Variants in UBR2 observed in about 807,000 individuals in gnomAD.
The protein encoded by UBR2 is E3 ubiquitin-protein ligase UBR2.
In UBR2, 92 loss-of-function variants were observed where a neutral mutation model predicts 247.9. The ratio of observed to expected loss-of-function variants is 0.37; its 90% CI spans 0.31 to 0.44. The LOEUF is 0.44. Ranked by LOEUF, UBR2 falls within the 20% of genes least tolerant of loss-of-function variation. The pLI is 1.00. For missense variants in UBR2, 1,613 were observed against 2,112.6 expected, an observed-to-expected ratio of 0.76 and a Z score of 4.64; for synonymous variants, 672 against 693.5, an observed-to-expected ratio of 0.97 and a Z score of 0.49.
At chr6:42,648,072 A>T (rs180788815) in intron 21 of UBR2, 46 bp from the exon 22 acceptor site, 1 of 1,486,840 alleles carries the variant, frequency 6.7e-7, no homozygotes, top group East Asian at 2.3e-5. Flanking sequence ...TAAGAGTGCT[A>T]GTAGTTATTA....
intron 4 of UBR2, among the ~76,000 whole-genome samples, chr6:42,598,857 C>A (rs1793170984): frequency 6.6e-6 from 1 of 152,126 alleles, no homozygotes; most frequent in Non-Finnish European, 1.5e-5. Flanking sequence ...GTTACCTTGA[C>A]TATGGTTTAT....
At chr6:42,653,898 G>C (rs549060423) in intron 25 of UBR2, among the ~76,000 whole-genome samples, 3 of 152,168 alleles carry the variant, frequency 2.0e-5, no homozygotes, top group Admixed American at 2.0e-4. Context: ...ATTACAAGGC[G>C]TGAGCCACCG....
chr6:42,606,439 T>G, intron 6 of UBR2, 150 bp from the exon 7 acceptor site: 1 of 607,312 alleles, frequency 1.6e-6, no homozygotes, highest in South Asian at 2.6e-5. Context: ...AAGGAAAATT[T>G]TAACTAACTT....
chr6:42,588,281 A>G (rs1232337308), intron 2 of UBR2, among the ~76,000 whole-genome samples: 2 of 152,226 alleles, frequency 1.3e-5, no homozygotes, highest in Admixed American at 1.3e-4. Flanking sequence ...AGAAAGGGTG[A>G]GGAGCTTCCA....
intron 35 of UBR2, 37 bp downstream of exon 35, chr6:42,670,277 G>A: frequency 6.3e-7 from 1 of 1,599,140 alleles, no homozygotes; most frequent in Non-Finnish European, 8.6e-7. Context: ...TAAGTCACAA[G>A]CATTCATTGA....
chr6:42,587,215 A>G (rs1272704749), intron 2 of UBR2, among the ~76,000 whole-genome samples: 3 of 152,184 alleles, frequency 2.0e-5, no homozygotes, highest in Non-Finnish European at 2.9e-5. Flanking sequence ...AAATATGTAT[A>G]AGCATTAATA....
At chr6:42,647,927 C>G (rs1442938272) in intron 21 of UBR2, among the ~76,000 whole-genome samples, 191 bp from the exon 22 acceptor site, 1 of 152,146 alleles carries the variant, frequency 6.6e-6, no homozygotes, top group Non-Finnish European at 1.5e-5. Flanking sequence ...TTTGAATAAA[C>G]ATCAGCTTGC....
rs112798050 is a variant in UBR2, at chr6:42,622,405, G to GTTTTTTTTTTTTTT, written c.1281+4899_1281+4912dup. On this transcript the variant is annotated intron_variant, in intron 11 of 46. Coordinates refer to ENST00000372901, the MANE Select transcript of UBR2 (RefSeq NM_001363705.2). The stretch of plus-strand genomic sequence containing the variant: ...ACATTGTTTTTGGGTTTTTTGGTGG[G>GTTTTTTTTTTTTTT]TTTTTTTTTTTTTTGAGACAGAACC... Among the ~76,000 whole-genome samples the GTTTTTTTTTTTTTT allele has an allele frequency of 2.5e-3, 342 of 138,638 alleles. 2 individuals are homozygous for GTTTTTTTTTTTTTT. Among genetic ancestry groups the GTTTTTTTTTTTTTT allele is most frequent in the African/African-American group, 8.8e-3 (325 of 36,786 alleles). 91.0% of individuals were successfully genotyped at this position (138,638 alleles called of 152,430 possible).
intron 4 of UBR2, among the ~76,000 whole-genome samples, chr6:42,597,747 T>C (rs938565096): frequency 6.6e-6 from 1 of 151,310 alleles, no homozygotes; most frequent in Non-Finnish European, 1.5e-5. Context: ...AGAAACCCCG[T>C]CTCTACTAAA....
chr6:42,592,436 A>G (rs574884588), intron 3 of UBR2, among the ~76,000 whole-genome samples: 2 of 152,176 alleles, frequency 1.3e-5, no homozygotes, highest in Non-Finnish European at 1.5e-5. Context: ...TTTAAAAAAG[A>G]TAATAGAGAT....
In UBR2 at chr6:42,611,869, T is replaced by A. The variant is rs551436644; in HGVS notation, c.865-302T>A. Among the ~76,000 whole-genome samples, 8 of 146,586 alleles carry A rather than the reference T, an allele frequency of 5.5e-5. No homozygotes were observed. The East Asian group carries it at 1.2e-3, about 22-fold the overall frequency. On this transcript the variant is annotated intron_variant, in intron 7 of 46. Coordinates refer to ENST00000372901, the MANE Select transcript of UBR2 (RefSeq NM_001363705.2). ...TTGCGGTGAGCCGAGATTGCTCCACTGCACTCCAGCCTGGGTGACAGAGCG... is the reference window on the plus strand; with the variant it reads ...TTGCGGTGAGCCGAGATTGCTCCACAGCACTCCAGCCTGGGTGACAGAGCG...
intron 5 of UBR2, 84 bp downstream of exon 5, chr6:42,603,802 T>C (rs1582505059): frequency 7.4e-7 from 1 of 1,358,486 alleles, no homozygotes; most frequent in East Asian, 2.8e-5. Flanking sequence ...ATAATCATTT[T>C]TTAATAATGA....
chr6:42,666,165 A>T lies in UBR2; in HGVS notation c.3803-2A>T. 2 of 1,609,842 alleles carry T rather than the reference A, an allele frequency of 1.2e-6. No homozygotes were observed. The highest frequency in any genetic ancestry group is 1.7e-6 in the Non-Finnish European group (2 of 1,177,764). On this transcript the variant is annotated splice_acceptor_variant, in intron 33 of 46. Transcript: ENST00000372901. LOFTEE classifies it high-confidence loss of function. ...AATAGTATAAAATGCCTGTTTCTATAGATAATGCCTCTACAAAGAATTCAG... is the reference window on the plus strand; with the variant it reads ...AATAGTATAAAATGCCTGTTTCTATTGATAATGCCTCTACAAAGAATTCAG...
chr6:42,569,364 T>C (rs150885107), intron 1 of UBR2, among the ~76,000 whole-genome samples: 1 of 152,340 alleles, frequency 6.6e-6, no homozygotes, highest in Admixed American at 6.5e-5. Context: ...TTTTGGGTGT[T>C]ATGCCTTCTC....
chr6:42,591,985 A>G (rs1232546744), intron 2 of UBR2, among the ~76,000 whole-genome samples, 166 bp from the exon 3 acceptor site: 13 of 152,218 alleles, frequency 8.5e-5, no homozygotes, highest in Non-Finnish European at 1.5e-5. Flanking sequence ...AACTGCTTTC[A>G]TTGATCAAAG....
In UBR2 at chr6:42,622,840, A is replaced by AT. The variant is rs60224579; in HGVS notation, c.1281+5347dup. Among the ~76,000 whole-genome samples, 270 of 145,724 alleles carry AT rather than the reference A, an allele frequency of 1.9e-3. 2 individuals carry two copies. Among genetic ancestry groups the AT allele is most frequent in the East Asian group, 8.1e-3 (40 of 4,966 alleles). ...ATTCATTTATTCTAATGGTTTATAGATTTTTTTTTTTTTTAAGATGGGGTC... is the reference window on the plus strand; with the variant it reads ...ATTCATTTATTCTAATGGTTTATAGATTTTTTTTTTTTTTTAAGATGGGGTC... On this transcript the variant is annotated intron_variant, in intron 11 of 46. Transcript: ENST00000372901.
At chr6:42,665,287 C>T in intron 32 of UBR2, 122 bp from the exon 33 acceptor site, 1 of 660,480 alleles carries the variant, frequency 1.5e-6, no homozygotes, top group South Asian at 3.1e-5. Context: ...CAAATTTTCC[C>T]TTATCCTTTT....
chr6:42,659,920 T>A lies in UBR2; in HGVS notation c.3442+65T>A. 6.7e-7 allele frequency: 1 copy of A among 1,502,492 alleles called. No individual in the cohort carries two copies. The highest frequency in any genetic ancestry group is 1.7e-5 in the Admixed American group (1 of 57,310). 93.1% of individuals were successfully genotyped at this position (1,502,492 alleles called of 1,614,324 possible). On this transcript the variant is annotated intron_variant, in intron 30 of 46. Transcript: ENST00000372901. This position sits in a 1 kb window ranked among gnomAD's most constrained non-coding sequence, Gnocchi z 4.3. Reference sequence around the variant, plus strand: ...AACTGCCAGTTAATGTGGTTGGTGATACGTTGAGATTTTTTAAACCTAAAA... The same window carrying A: ...AACTGCCAGTTAATGTGGTTGGTGAAACGTTGAGATTTTTTAAACCTAAAA...
In UBR2 at chr6:42,615,159, T is replaced by C; in HGVS notation, c.1074T>C (p.Ser358=). 1 of 1,610,944 alleles carries C rather than the reference T, an allele frequency of 6.2e-7. No homozygotes were observed. The highest frequency in any genetic ancestry group is 1.1e-5 in the South Asian group (1 of 90,282). The change falls in exon 9 of 47, where the codon AGT becomes AGC. Residue 358 remains serine (S), a synonymous_variant. Coordinates refer to ENST00000372901, the MANE Select transcript of UBR2 (RefSeq NM_001363705.2). ...NSSLVDRLML[S]DSKLWKGARS... is the part of the protein sequence containing the mutation. ...CTCTAGTGGACAGACTGATGCTTAG[T>C]GATTCCAAATTATGGAAAGGTGAAT...
Sources: allele counts gnomAD v4.1 joint callset (sites outside exome capture counted in the v4.1 genomes callset), GRCh38; gene constraint gnomAD v4.1.1; non-coding constraint Gnocchi (gnomAD v3.1); transcripts MANE v1.5; gene names NCBI Gene and HGNC (gene_info 2026-07-23, HGNC 2026-07-21).